RRAGC: variants seen among roughly 807,000 people sequenced by gnomAD.
RRAGC encodes Ras related GTP binding C, also known as ras-related GTP-binding protein C.
RRAGC carries 8 observed loss-of-function variants against 37.1 expected under a neutral mutation model. The ratio of observed to expected loss-of-function variants is 0.22; its 90% CI spans 0.13 to 0.39. RRAGC has a LOEUF of 0.39. RRAGC is among the 10% of genes least tolerant of loss of function. The probability of loss-of-function intolerance (pLI) is 1.00; values close to 1 mark genes in which losing one functional copy is unlikely to be tolerated. For synonymous variants in RRAGC, 190 were observed against 181.1 expected (o/e 1.05, Z -0.39); for missense variants, 342 against 497.6 (o/e 0.69, Z 2.98).
At chr1:38,840,645 G>C (rs949117019) in intron 6 of RRAGC, among the ~76,000 whole-genome samples, 4 of 152,138 alleles carry the variant, frequency 2.6e-5, no homozygotes, top group Non-Finnish European at 4.4e-5. Flanking sequence ...ATTTAATTAG[G>C]CAGAAAAGGG....
chr1:38,842,319 T>G (rs1641974796), intron 6 of RRAGC, among the ~76,000 whole-genome samples: 1 of 151,964 alleles, frequency 6.6e-6, no homozygotes, highest in East Asian at 1.9e-4. Flanking sequence ...AATAAGGAAC[T>G]GCTAAGAATC....
chr1:38,854,572 T>A (rs1244423006), intron 3 of RRAGC, among the ~76,000 whole-genome samples: 3 of 152,212 alleles, frequency 2.0e-5, no homozygotes. Flanking sequence ...TAAAAAACTA[T>A]TAGCAGTGGA....
Position 38,851,564 on chromosome 1 carries a change from T to C in RRAGC, c.899+51A>G, listed in dbSNP as rs376349580. 4.8e-6 allele frequency: 7 copies of C among 1,447,930 alleles called. No individual in the cohort carries two copies. In the African/African-American group the frequency reaches 8.9e-5, roughly 18 times the overall value. The allele number at this position is 1,447,930 out of a possible 1,614,324, so 89.7% of individuals were successfully genotyped here. On this transcript the variant is annotated intron_variant, in intron 5 of 6. Coordinates refer to ENST00000373001, the MANE Select transcript of RRAGC (RefSeq NM_022157.4). The stretch of plus-strand genomic sequence containing the variant: ...AATTAGTCTTCTGAACAAATCAAGT[T>C]AATAGTTTTCCGCCTGTCTGAGATA...
chr1:38,853,309 G>A (rs1300418475), intron 3 of RRAGC, among the ~76,000 whole-genome samples: 1 of 152,176 alleles, frequency 6.6e-6, no homozygotes, highest in African/African-American at 2.4e-5. Context: ...GTATTTGAGA[G>A]GGAAGCCTTT....
intron 5 of RRAGC, 183 bp from the exon 6 acceptor site, chr1:38,846,270 T>C: frequency 1.8e-6 from 1 of 546,480 alleles, no homozygotes; most frequent in Non-Finnish European, 3.2e-6. Flanking sequence ...CAGGGATACC[T>C]ATTAAAAACA....
chr1:38,847,160 T>C (rs537064813), intron 5 of RRAGC: 2 of 152,150 alleles, frequency 1.3e-5, no homozygotes, highest in Non-Finnish European at 2.9e-5. Context: ...TAACTGGTAA[T>C]TTTCTTTGGC....
intron 6 of RRAGC, among the ~76,000 whole-genome samples, 194 bp from the exon 7 acceptor site, chr1:38,839,898 G>A (rs1287551775): frequency 1.3e-5 from 2 of 151,844 alleles, no homozygotes; most frequent in East Asian, 3.9e-4. Context: ...TGTAACCCCA[G>A]CACTTTGGGA....
At chr1:38,850,775 G>C (rs1642091789) in intron 5 of RRAGC, among the ~76,000 whole-genome samples, 1 of 152,094 alleles carries the variant, frequency 6.6e-6, no homozygotes, top group African/African-American at 2.4e-5. Context: ...TGAGAGTGCT[G>C]ATGTTAATAT....
chr1:38,838,261 T>C lies in RRAGC; in HGVS notation c.*1292A>G, dbSNP rs1477018080. On this transcript the variant is annotated 3_prime_UTR_variant, in exon 7 of 7. Coordinates refer to ENST00000373001, the MANE Select transcript of RRAGC (RefSeq NM_022157.4). ...ATAGTTCAATGAAATAATCTATAAA[T>C]ATAAAAAGCATTTTTCTTTTGGATA... The C allele has an allele frequency of 6.6e-6, 1 of 152,248 alleles. No homozygotes were observed. The highest frequency in any genetic ancestry group is 1.5e-5 in the Non-Finnish European group (1 of 68,044). The allele number at this position is 152,248 out of a possible 1,614,324, so 9.4% of individuals were successfully genotyped here. A position where few individuals can be genotyped will look rare whatever the true frequency, so the allele number is the denominator to read the frequency against.
intron 6 of RRAGC, among the ~76,000 whole-genome samples, chr1:38,845,130 T>C (rs1023675606): frequency 2.0e-5 from 3 of 152,190 alleles, no homozygotes; most frequent in South Asian, 2.1e-4. Context: ...ACTGGGTATA[T>C]ACCCAAGGGA....
intron 6 of RRAGC, among the ~76,000 whole-genome samples, chr1:38,841,962 C>T (rs2124213939): frequency 6.6e-6 from 1 of 152,260 alleles, no homozygotes; most frequent in East Asian, 1.9e-4. Flanking sequence ...CAGTGAAACC[C>T]CATCTCTACT....
intron 3 of RRAGC, 60 bp downstream of exon 3, chr1:38,855,648 G>A: frequency 2.3e-6 from 3 of 1,301,668 alleles, no homozygotes; most frequent in South Asian, 2.4e-5. Flanking sequence ...TGTAATGACA[G>A]AGATGGGAAT....
intron 5 of RRAGC, chr1:38,846,288 CA>C: frequency 2.0e-6 from 1 of 510,900 alleles, no homozygotes; most frequent in South Asian, 2.8e-5. Flanking sequence ...ACAACAACTC[CA>C]TACACATCCT....
intron 6 of RRAGC, 119 bp downstream of exon 6, chr1:38,845,819 CT>C (rs1410868741): frequency 2.3e-4 from 182 of 785,412 alleles, no homozygotes; most frequent in Middle Eastern, 3.9e-4. Flanking sequence ...GCAGTTTGAG[CT>C]TTTTTTTTCT....
chr1:38,844,560 A>G (rs1412290570), intron 6 of RRAGC, among the ~76,000 whole-genome samples: 1 of 152,182 alleles, frequency 6.6e-6, no homozygotes, highest in African/African-American at 2.4e-5. Flanking sequence ...GTTTTCAGAA[A>G]GGAGGGACTG....
In RRAGC at chr1:38,839,713, A is replaced by G; in HGVS notation, c.1049-9T>C. ...GTTGTAGTCTATTAAACCTGCAGGA[A>G]GGAAAAAGAAAAGAATGCCTCCTGA... On this transcript the variant is annotated splice_polypyrimidine_tract_variant and intron_variant, in intron 6 of 6. Coordinates refer to ENST00000373001, the MANE Select transcript of RRAGC (RefSeq NM_022157.4). The G allele has an allele frequency of 6.2e-7, 1 of 1,612,980 alleles. No homozygotes were observed. Among genetic ancestry groups the G allele is most frequent in the Non-Finnish European group, 8.5e-7 (1 of 1,179,482 alleles).
At chr1:38,848,795 G>A (rs746203452) in intron 5 of RRAGC, among the ~76,000 whole-genome samples, 6 of 151,888 alleles carry the variant, frequency 4.0e-5, no homozygotes, top group Non-Finnish European at 7.4e-5. Context: ...TACCAGCCTG[G>A]GTAACACTAT....
chr1:38,859,677 ACAGGCCAGGC>A lies in RRAGC; in HGVS notation c.-41_-32del. ...TGGAGCCGCCGCCGCCCGCGCCCTG[ACAGGCCAGGC>A]CAGGCCGAGCCAGGCCGCCGCCTCC... On this transcript the variant is annotated 5_prime_UTR_variant, in exon 1 of 7. Transcript: ENST00000373001. 1 of 1,519,386 alleles carries A rather than the reference ACAGGCCAGGC, an allele frequency of 6.6e-7. No homozygotes were observed. Among genetic ancestry groups the A allele is most frequent in the Non-Finnish European group, 8.8e-7 (1 of 1,133,632 alleles). The allele number at this position is 1,519,386 out of a possible 1,614,324, so 94.1% of individuals were successfully genotyped here.
intron 6 of RRAGC, among the ~76,000 whole-genome samples, chr1:38,840,840 G>T (rs1641954704): frequency 6.6e-6 from 1 of 152,148 alleles, no homozygotes; most frequent in Non-Finnish European, 1.5e-5. Flanking sequence ...ACTCAGAAAA[G>T]AAACAAACTA....
Sources: gnomAD v4.1 joint callset for allele counts (sites outside exome capture counted in the v4.1 genomes callset) on GRCh38, gnomAD v4.1.1 for gene constraint, MANE v1.5 for transcripts, NCBI Gene and HGNC (gene_info 2026-07-23, HGNC 2026-07-21) for gene names.